Variants in LPP observed in about 807,000 individuals in gnomAD.
LPP encodes the protein LIM domain containing preferred translocation partner in lipoma.
A neutral mutation model predicts 60.4 loss-of-function variants in LPP; 38 were observed. The ratio of observed to expected loss-of-function variants is 0.63; its 90% CI spans 0.49 to 0.83. The LOEUF is 0.83. LPP is among the 40% of genes least tolerant of loss of function. The pLI, the probability that LPP is intolerant of heterozygous loss-of-function variation, is 0.00. For synonymous variants in LPP, 328 were observed against 290.8 expected, an observed-to-expected ratio of 1.13 and a Z score of -1.30; for missense variants, 902 against 783.6, an observed-to-expected ratio of 1.15 and a Z score of -1.80.
At chr3:188,266,410 T>A (rs1429585738) in intron 2 of LPP, among the ~76,000 whole-genome samples, 2 of 151,956 alleles carry the variant, frequency 1.3e-5, no homozygotes, top group Admixed American at 1.3e-4. Flanking sequence ...CAGGAGACTG[T>A]CGCTTCCCTT....
At chr3:188,389,723 C>G (rs939414085) in intron 3 of LPP, among the ~76,000 whole-genome samples, 3 of 125,792 alleles carry the variant, frequency 2.4e-5, no homozygotes, top group African/African-American at 3.1e-5. Flanking sequence ...TTGCAGTGAG[C>G]CAAGATTGTG....
At chr3:188,174,337 T>A (rs752364467) in intron 1 of LPP, among the ~76,000 whole-genome samples, 12 of 152,244 alleles carry the variant, frequency 7.9e-5, no homozygotes, top group Non-Finnish European at 1.8e-4. Flanking sequence ...CAAAACTTCT[T>A]ACAGGAATTA....
chr3:188,747,374 C>A (rs1040019890), intron 8 of LPP, among the ~76,000 whole-genome samples: 24 of 152,088 alleles, frequency 1.6e-4, no homozygotes, highest in African/African-American at 5.8e-4. Context: ...ACTTTAAAAC[C>A]CAGTGATTCT....
At chr3:188,487,020 TC>T (rs1456940643) in intron 5 of LPP, among the ~76,000 whole-genome samples, 3 of 152,224 alleles carry the variant, frequency 2.0e-5, no homozygotes, top group Non-Finnish European at 4.4e-5. Flanking sequence ...TGACTCTGTT[TC>T]CTCTCTTAGA....
intron 3 of LPP, among the ~76,000 whole-genome samples, chr3:188,396,047 T>G (rs1276399513): frequency 6.6e-6 from 1 of 152,214 alleles, no homozygotes; most frequent in Non-Finnish European, 1.5e-5. Flanking sequence ...AGTTGACAGT[T>G]TTGTGAACAA....
chr3:188,602,737 A>T (rs1841634643), intron 6 of LPP, among the ~76,000 whole-genome samples: 1 of 150,902 alleles, frequency 6.6e-6, no homozygotes, highest in Non-Finnish European at 1.5e-5. Flanking sequence ...TTAAAAAAAA[A>T]AAAAGGAGAA....
At chr3:188,539,428 G>A (rs907006913) in intron 6 of LPP, among the ~76,000 whole-genome samples, 3 of 152,170 alleles carry the variant, frequency 2.0e-5, no homozygotes, top group Non-Finnish European at 2.9e-5. Context: ...AGAAGAATCC[G>A]ACTCTCGTGT....
chr3:188,233,196 C>T lies in LPP; in HGVS notation c.-67+7669C>T, dbSNP rs145055592. ...GCCTAACTACAAACATCATAATGTG[C>T]TCATGTTTTCTGATACCTGGAAATA... On this transcript the variant is annotated intron_variant, in intron 2 of 11. Coordinates refer to ENST00000617246, the MANE Select transcript of LPP (RefSeq NM_001375462.1). 4.0e-4 allele frequency among the ~76,000 whole-genome samples: 61 copies of T among 152,268 alleles called. 1 individual carries two copies. Among genetic ancestry groups the T allele is most frequent in the African/African-American group, 1.4e-3 (57 of 41,540 alleles).
intron 3 of LPP, among the ~76,000 whole-genome samples, chr3:188,375,175 G>T (rs865917242): frequency 3.6e-4 from 54 of 152,044 alleles, no homozygotes; most frequent in South Asian, 1.9e-3. Flanking sequence ...TCTCTTTTTT[G>T]GTTGTGTCTC....
chr3:188,479,379 T>G (rs914694698), intron 4 of LPP, among the ~76,000 whole-genome samples: 8 of 152,224 alleles, frequency 5.3e-5, no homozygotes, highest in African/African-American at 1.9e-4. Context: ...GAGAGCATGT[T>G]GGAAATGCAG....
intron 4 of LPP, among the ~76,000 whole-genome samples, chr3:188,438,222 T>C (rs1447216792): frequency 6.6e-6 from 1 of 152,152 alleles, no homozygotes; most frequent in Non-Finnish European, 1.5e-5. Flanking sequence ...CAGTCATAGC[T>C]GTGTAACTGA....
rs1769465667 is a variant in LPP at position 188,878,130 on chromosome 3, C to G, written c.*3651C>G. On this transcript the variant is annotated 3_prime_UTR_variant, in exon 12 of 12. Coordinates refer to ENST00000617246, the MANE Select transcript of LPP (RefSeq NM_001375462.1). The stretch of plus-strand genomic sequence containing the variant: ...AGACAGGACTCTGAAAACACAACTT[C>G]CAGCCATTTTTTTAGTTAGTAAAAA... The G allele has an allele frequency of 4.5e-6, 1 of 221,030 alleles. No homozygotes were observed. Among genetic ancestry groups the G allele is most frequent in the Non-Finnish European group, 9.1e-6 (1 of 110,222 alleles). The allele number at this position is 221,030 out of a possible 1,614,324, so 13.7% of individuals were successfully genotyped here.
At chr3:188,625,539 G>A (rs1201987499) in intron 7 of LPP, among the ~76,000 whole-genome samples, 2 of 152,124 alleles carry the variant, frequency 1.3e-5, no homozygotes, top group Non-Finnish European at 2.9e-5. Context: ...ACATTTCGGA[G>A]AAGGCAAGTC....
Position 188,308,945 on chromosome 3 carries a change from T to TTCTC in LPP, c.-66-32718_-66-32717insTCTC, listed in dbSNP as rs1560228376. Among the ~76,000 whole-genome samples the TTCTC allele has an allele frequency of 8.0e-3, 1,201 of 150,846 alleles. 12 individuals carry two copies. Among genetic ancestry groups the TTCTC allele is most frequent in the African/African-American group, 0.027 (1,105 of 40,916 alleles). Reference sequence around the variant, plus strand: ...TCTTCTTCTTCTCTCCTCCTCCTCCTCCTTCTCCCTTCTCCCTTCTCCTTT... The same window carrying TTCTC: ...TCTTCTTCTTCTCTCCTCCTCCTCCTTCTCCCTTCTCCCTTCTCCCTTCTCCTTT... On this transcript the variant is annotated intron_variant, in intron 2 of 11. Transcript: ENST00000617246.
chr3:188,685,683 T>C (rs973876506), intron 7 of LPP, among the ~76,000 whole-genome samples: 1 of 152,120 alleles, frequency 6.6e-6, no homozygotes, highest in Non-Finnish European at 1.5e-5. Flanking sequence ...TAAACCCAGC[T>C]AAGCAAGCTG....
intron 4 of LPP, 44 bp from the exon 5 acceptor site, chr3:188,484,548 G>A (rs762514869): frequency 1.5e-5 from 21 of 1,369,064 alleles, no homozygotes; most frequent in Admixed American, 1.4e-4. Context: ...GTACTATAAC[G>A]TTGCATCCTT....
chr3:188,502,190 T>G (rs1389654425), intron 5 of LPP, among the ~76,000 whole-genome samples: 1 of 152,228 alleles, frequency 6.6e-6, no homozygotes, highest in Admixed American at 6.5e-5. Flanking sequence ...GGCTGTTCTA[T>G]CCACTGTTAA....
At chr3:188,605,531 T>A (rs1243976622) in intron 6 of LPP, among the ~76,000 whole-genome samples, 1 of 152,080 alleles carries the variant, frequency 6.6e-6, no homozygotes, top group East Asian at 1.9e-4. Flanking sequence ...AGTTGAGGAT[T>A]TGGGCTTAGT....
intron 1 of LPP, among the ~76,000 whole-genome samples, chr3:188,218,368 C>T (rs1714457133): frequency 6.6e-6 from 1 of 152,126 alleles, no homozygotes; most frequent in Non-Finnish European, 1.5e-5. Context: ...CTGACCAAGC[C>T]CCATCCTCTA....
Sources: gnomAD v4.1 joint callset for allele counts (sites outside exome capture counted in the v4.1 genomes callset) on GRCh38, gnomAD v4.1.1 for gene constraint, MANE v1.5 for transcripts, NCBI Gene and HGNC (gene_info 2026-07-23, HGNC 2026-07-21) for gene names.